The following NADK variants were observed in gnomAD, a reference collection of about 807,000 sequenced individuals.
NADK encodes poly(P)/ATP NAD kinase.
Under a neutral mutation model 49.8 loss-of-function variants are expected in NADK, and 22 were observed. The observed-to-expected ratio is 0.44, with a 90% CI of 0.32 to 0.63. The LOEUF (loss-of-function observed/expected upper bound fraction) is 0.63. NADK is among the 30% of genes least tolerant of loss of function. NADK has a pLI of 0.06. For synonymous variants in NADK, 268 were observed against 253.7 expected, an observed-to-expected ratio of 1.06 and a Z score of -0.54; for missense variants, 438 against 609.4, an observed-to-expected ratio of 0.72 and a Z score of 2.96.
intron 1 of NADK, among the ~76,000 whole-genome samples, chr1:1,771,073 T>TACAC (rs1192677248): frequency 6.2e-5 from 9 of 145,100 alleles, no homozygotes; most frequent in South Asian, 2.1e-4. Flanking sequence ...TATATATATA[T>TACAC]ATACACACAC....
In NADK at chr1:1,754,428, A is replaced by C; in HGVS notation, c.844-45T>G. On this transcript the variant is annotated intron_variant, in intron 8 of 11. Coordinates refer to ENST00000341426, the MANE Select transcript of NADK (RefSeq NM_023018.5). The surrounding 1 kb of genome is among the most constrained non-coding windows in gnomAD (Gnocchi z 4.3). Reference sequence around the variant, plus strand: ...GCACACTCAGGGCGGGGGATGCCGCACGGCTCGCAGACACCCTCCGTCTCA... The same window carrying C: ...GCACACTCAGGGCGGGGGATGCCGCCCGGCTCGCAGACACCCTCCGTCTCA... The C allele has an allele frequency of 6.2e-7, 1 of 1,609,682 alleles. No homozygotes were observed. Among genetic ancestry groups the C allele is most frequent in the Non-Finnish European group, 8.5e-7 (1 of 1,176,772 alleles).
chr1:1,759,202 T>C (rs866525196), intron 3 of NADK: 4 of 1,574,202 alleles, frequency 2.5e-6, no homozygotes, highest in Middle Eastern at 3.3e-4. Flanking sequence ...CCCACCGCTG[T>C]GTGTGACCAC....
chr1:1,758,333 C>T (rs1645597233), intron 3 of NADK: 2 of 1,588,662 alleles, frequency 1.3e-6, no homozygotes, highest in South Asian at 2.3e-5. Flanking sequence ...TAGCCCATCG[C>T]TTGTGACCTT....
At chr1:1,773,081 G>C (rs1646098974) in intron 1 of NADK, among the ~76,000 whole-genome samples, 1 of 151,434 alleles carries the variant, frequency 6.6e-6, no homozygotes, top group African/African-American at 2.4e-5. Flanking sequence ...GAGGGAGCTG[G>C]TGAAGGGCAC....
rs530318199 is a variant in NADK, at chr1:1,761,281, G to A, written c.263+671C>T. The stretch of plus-strand genomic sequence containing the variant: ...GCTGGGATTACAGGTGTGAGCCACC[G>A]CAGCTGACCAATTTTTGTGTTTTTT... On this transcript the variant is annotated intron_variant, in intron 3 of 11. Coordinates refer to ENST00000341426, the MANE Select transcript of NADK (RefSeq NM_023018.5). Among the ~76,000 whole-genome samples the A allele has an allele frequency of 2.6e-4, 40 of 152,224 alleles. No individual in the cohort carries two copies. The South Asian group carries it at 3.1e-3, about 12-fold the overall frequency.
chr1:1,759,057 G>A, intron 3 of NADK: 1 of 1,486,418 alleles, frequency 6.7e-7, no homozygotes, highest in African/African-American at 1.4e-5. Flanking sequence ...CCCCCGCCCT[G>A]CACACGGCTC....
At chr1:1,768,452 G>A (rs1013186262) in intron 1 of NADK, among the ~76,000 whole-genome samples, 2 of 152,142 alleles carry the variant, frequency 1.3e-5, no homozygotes, top group East Asian at 1.9e-4. Context: ...GGTACTTGGA[G>A]GCTCCGGCAA....
intron 3 of NADK, among the ~76,000 whole-genome samples, chr1:1,760,401 G>A (rs76601697): frequency 0.077 from 11,686 of 152,274 alleles, 531 homozygotes; most frequent in Non-Finnish European, 0.11. Flanking sequence ...CCCACACTTT[G>A]CAGAGCAGCT....
In NADK at chr1:1,754,398, G is replaced by A; in HGVS notation, c.844-15C>T. On this transcript the variant is annotated splice_polypyrimidine_tract_variant and intron_variant, in intron 8 of 11. Coordinates refer to ENST00000341426, the MANE Select transcript of NADK (RefSeq NM_023018.5). This position sits in a 1 kb window ranked among gnomAD's most constrained non-coding sequence, Gnocchi z 4.3. Reference sequence around the variant, plus strand: ...TCATTCAGGACCTGGAGGGGCGACAGCATTGCACACTCAGGGCGGGGGATG... The same window carrying A: ...TCATTCAGGACCTGGAGGGGCGACAACATTGCACACTCAGGGCGGGGGATG... The A allele has an allele frequency of 6.2e-7, 1 of 1,612,594 alleles. No individual in the cohort carries two copies. The highest frequency in any genetic ancestry group is 8.5e-7 in the Non-Finnish European group (1 of 1,178,806).
intron 1 of NADK, among the ~76,000 whole-genome samples, chr1:1,771,182 T>C (rs1160732906): frequency 6.6e-6 from 1 of 150,958 alleles, no homozygotes; most frequent in Non-Finnish European, 1.5e-5. Context: ...GGGGATATAT[T>C]TGGCAAAAGA....
upstream of NADK, among the ~76,000 whole-genome samples, chr1:1,779,510 C>T (rs1247811431): frequency 2.0e-5 from 3 of 152,186 alleles, no homozygotes; most frequent in Admixed American, 1.3e-4. Context: ...GATAGTGTCT[C>T]ATTCGTCCCC....
rs1280997219 is a variant in NADK, at chr1:1,754,848, G to A, written c.689-150C>T. 1.4e-6 allele frequency: 1 copy of A among 693,700 alleles called. No homozygotes were observed. Among genetic ancestry groups the A allele is most frequent in the Admixed American group, 3.2e-5 (1 of 31,344 alleles). 43.0% of individuals were successfully genotyped at this position (693,700 alleles called of 1,614,324 possible). A position where few individuals can be genotyped will look rare whatever the true frequency, so the allele number is the denominator to read the frequency against. On this transcript the variant is annotated intron_variant, in intron 7 of 11. Coordinates refer to ENST00000341426, the MANE Select transcript of NADK (RefSeq NM_023018.5). This position sits in a 1 kb window ranked among gnomAD's most constrained non-coding sequence, Gnocchi z 4.3. ...CTTTTTCTTTTTATTTTGAGATGGA[G>A]TCTCACTCTGTCACCCAGGCTGGAA...
At chr1:1,765,520 T>G in intron 1 of NADK, 74 bp from the exon 2 acceptor site, 1 of 737,450 alleles carries the variant, frequency 1.4e-6, no homozygotes, top group Non-Finnish European at 2.0e-6. Context: ...TACACATACA[T>G]ATGTTCCATT....
chr1:1,769,561 C>T (rs537954922), intron 1 of NADK, among the ~76,000 whole-genome samples: 1 of 150,470 alleles, frequency 6.6e-6, no homozygotes, highest in Non-Finnish European at 1.5e-5. Flanking sequence ...AAAAAAAAAA[C>T]AAAAAACAAA....
At chr1:1,769,586 C>T (rs1278850220) in intron 1 of NADK, among the ~76,000 whole-genome samples, 1 of 151,816 alleles carries the variant, frequency 6.6e-6, no homozygotes, top group Non-Finnish European at 1.5e-5. Context: ...AAACTAGCCG[C>T]GTGTGGTGGC....
At chr1:1,756,429 A>G (rs1331031253) in intron 5 of NADK, 74 bp downstream of exon 5, 3 of 1,610,656 alleles carry the variant, frequency 1.9e-6, no homozygotes, top group Non-Finnish European at 2.5e-6. Context: ...TGACAAGGGC[A>G]ACAGTGCCAG....
chr1:1,775,256 A>G (rs1040650963), intron 1 of NADK, among the ~76,000 whole-genome samples: 7 of 152,388 alleles, frequency 4.6e-5, no homozygotes, highest in African/African-American at 1.7e-4. Context: ...AACATGAACA[A>G]AAGTCACACA....
intron 7 of NADK, among the ~76,000 whole-genome samples, chr1:1,755,063 C>T (rs1645469662): frequency 6.6e-6 from 1 of 152,178 alleles, no homozygotes; most frequent in Non-Finnish European, 1.5e-5. Flanking sequence ...TCGTGATCCG[C>T]CCGCCTCGAC....
Position 1,762,894 on chromosome 1 carries a change from G to A in NADK, c.180-859C>T, listed in dbSNP as rs113174024. ...GCCAGGGGCTGTGGCAGCCGCACGC[G>A]TCCTGGGGAGAATGCTGTCAGGACC... On this transcript the variant is annotated intron_variant, in intron 2 of 11. Coordinates refer to ENST00000341426, the MANE Select transcript of NADK (RefSeq NM_023018.5). 8.6e-3 allele frequency among the ~76,000 whole-genome samples: 1,317 copies of A among 152,340 alleles called. 26 individuals are homozygous for A. The highest frequency in any genetic ancestry group is 0.03 in the African/African-American group (1,264 of 41,576).
Sources: gnomAD v4.1 joint callset for allele counts (sites outside exome capture counted in the v4.1 genomes callset) on GRCh38, gnomAD v4.1.1 for gene constraint, Gnocchi (gnomAD v3.1) non-coding constraint, MANE v1.5 for transcripts, NCBI Gene and HGNC (gene_info 2026-07-23, HGNC 2026-07-21) for gene names.